Variants in RPS12 observed in about 807,000 individuals in gnomAD.
The protein encoded by RPS12 is small ribosomal subunit protein eS12.
RPS12 carries 1 observed loss-of-function variant against 17.2 expected under a neutral mutation model. That is an observed-to-expected ratio of 0.06 (90% CI 0.02 to 0.28). The LOEUF (loss-of-function observed/expected upper bound fraction) is 0.28. Among genes scored for constraint, RPS12 ranks in the 10% least tolerant of loss-of-function variants. The probability of loss-of-function intolerance (pLI) is 1.00; values close to 1 mark genes in which losing one functional copy is unlikely to be tolerated. For missense variants in RPS12, 146 were observed against 162.1 expected (o/e 0.90, Z 0.54); for synonymous variants, 67 against 54.0 (o/e 1.24, Z -1.06).
intron 1 of RPS12, 25 bp downstream of exon 1, chr6:132,814,638 G>A (rs978765766): frequency 4.6e-6 from 5 of 1,079,512 alleles, no homozygotes; most frequent in African/African-American, 1.6e-5. Flanking sequence ...GCGGCAGGGG[G>A]GTGTATTGGT....
chr6:132,814,689 C>T (rs1423466280), intron 1 of RPS12, 43 bp from the exon 2 acceptor site: 25 of 1,498,602 alleles, frequency 1.7e-5, no homozygotes, highest in African/African-American at 2.8e-5. Context: ...GGATTCGTGA[C>T]GAGTATCTGG....
In RPS12 at chr6:132,815,033, C is replaced by T. The variant is rs751712750; in HGVS notation, c.76C>T (p.Leu26Phe). ...TALQEVLKTA[L>F]IHDGLARGIR... is the part of the protein sequence containing the mutation. Reference sequence around the variant, plus strand: ...TTTACAAGAGGTTCTGAAGACTGCCCTCATCCACGATGGCCTAGCACGTGG... The same window carrying T: ...TTTACAAGAGGTTCTGAAGACTGCCTTCATCCACGATGGCCTAGCACGTGG... Residue 26 changes from leucine (L) to phenylalanine (F), a missense_variant, in exon 3 of 6, where the codon CTC (leucine) becomes TTC (phenylalanine). Transcript: ENST00000230050. The T allele has an allele frequency of 6.2e-6, 10 of 1,613,818 alleles. No individual in the cohort carries two copies. The South Asian group carries it at 7.7e-5, about 12-fold the overall frequency.
At position 132,814,571 on chromosome 6, in the gene RPS12, C is replaced by A; in HGVS notation, c.-80C>A. On this transcript the variant is annotated 5_prime_UTR_variant, in exon 1 of 6. Coordinates refer to ENST00000230050, the MANE Select transcript of RPS12 (RefSeq NM_001016.4). ...ACCGGCATGCGTGCGGATGAGGCCT[C>A]TTTCCCTGCCGCCGCCGAGTCGCGC... 1 of 735,610 alleles carries A rather than the reference C, an allele frequency of 1.4e-6. No individual in the cohort carries two copies. The highest frequency in any genetic ancestry group is 2.4e-6 in the Non-Finnish European group (1 of 414,870). The allele number at this position is 735,610 out of a possible 1,614,324, so 45.6% of individuals were successfully genotyped here. A position where few individuals can be genotyped will look rare whatever the true frequency, so the allele number is the denominator to read the frequency against.
At position 132,814,973 on chromosome 6, in the gene RPS12, A is replaced by G. The variant is rs967436636; in HGVS notation, c.16A>G (p.Ile6Val). 5 of 1,603,174 alleles carry G rather than the reference A, an allele frequency of 3.1e-6. No individual in the cohort carries two copies. The highest frequency in any genetic ancestry group is 4.3e-6 in the Non-Finnish European group (5 of 1,170,222). ...TGGTTCTGATGTGTCGCGTTTAAGCATTGCTGCTGGAGGTGTAATGGACGT... is the reference window on the plus strand; with the variant it reads ...TGGTTCTGATGTGTCGCGTTTAAGCGTTGCTGCTGGAGGTGTAATGGACGT... MAEEG[I>V]AAGGVMDVNT... Residue 6 changes from isoleucine to valine, a missense_variant and splice_region_variant, in exon 3 of 6, where the codon ATT becomes GTT. This residue lies in a region of RPS12 where 117 missense variants were observed against 104.6 expected (regional missense o/e 1.12). Transcript: ENST00000230050.
chr6:132,815,381 T>C (rs766233445), intron 3 of RPS12: 3 of 591,512 alleles, frequency 5.1e-6, no homozygotes, highest in Non-Finnish European at 9.7e-6. Context: ...CTGACAAACC[T>C]GTAGGTTGTG....
At position 132,814,594 on chromosome 6, in the gene RPS12, C is replaced by T. The variant is rs548057303; in HGVS notation, c.-57C>T. The T allele has an allele frequency of 6.2e-6, 5 of 811,992 alleles. No homozygotes were observed. Among genetic ancestry groups the T allele is most frequent in the East Asian group, 2.4e-5 (1 of 41,192 alleles). The allele number at this position is 811,992 out of a possible 1,614,324, so 50.3% of individuals were successfully genotyped here. ...CTCTTTCCCTGCCGCCGCCGAGTCG[C>T]GCGGAGGCGGAGGCTTGGGGTAAGT... On this transcript the variant is annotated 5_prime_UTR_variant, in exon 1 of 6. Transcript: ENST00000230050.
intron 3 of RPS12, chr6:132,815,459 T>G (rs1782027244): frequency 1.9e-5 from 9 of 461,634 alleles, no homozygotes; most frequent in South Asian, 1.1e-4. Context: ...TCTGGTAGTT[T>G]GCAAAACAAG....
rs768743658 is a variant in RPS12 at position 132,814,773 on chromosome 6, C to T, written c.5C>T (p.Ala2Val). 9 of 1,613,304 alleles carry T rather than the reference C, an allele frequency of 5.6e-6. No individual in the cohort carries two copies. The East Asian group carries it at 6.7e-5, about 12-fold the overall frequency. The change falls in exon 2 of 6, where the codon GCC becomes GTC. Residue 2 changes from alanine to valine, a missense_variant. By Grantham distance (64) the Ala-to-Val change is moderately conservative. This residue lies in a region of RPS12 where 117 missense variants were observed against 104.6 expected (regional missense o/e 1.12). Coordinates refer to ENST00000230050, the MANE Select transcript of RPS12 (RefSeq NM_001016.4). ...CTTCACCCGTAACCCACCGCCATGG[C>T]CGAGGAAGGGTGAGCCCAGGGGCCG... M[A>V]EEGIAAGGVM... is the part of the protein sequence containing the mutation.
Position 132,815,003 on chromosome 6 carries a change from A to G in RPS12, c.46A>G (p.Thr16Ala), listed in dbSNP as rs1179328529. The G allele has an allele frequency of 1.2e-6, 2 of 1,613,030 alleles. No homozygotes were observed. Among genetic ancestry groups the G allele is most frequent in the East Asian group, 2.2e-5 (1 of 44,868 alleles). Residue 16 changes from threonine (T) to alanine (A), a missense_variant, in exon 3 of 6, where the codon ACT (threonine) becomes GCT (alanine). Physicochemically the swap from Thr to Ala is moderately conservative, Grantham distance 58. Transcript: ENST00000230050. ...TGCTGGAGGTGTAATGGACGTTAAT[A>G]CTGCTTTACAAGAGGTTCTGAAGAC... ...IAAGGVMDVN[T>A]ALQEVLKTAL...
At chr6:132,815,828 CTTT>C in intron 3 of RPS12, 1 of 402,466 alleles carries the variant, frequency 2.5e-6, no homozygotes, top group Non-Finnish European at 4.8e-6. Flanking sequence ...ATGCCACAGT[CTTT>C]TTTTTTTCTT....
At chr6:132,814,693 T>C (rs1782001729) in intron 1 of RPS12, 39 bp from the exon 2 acceptor site, 3 of 1,524,512 alleles carry the variant, frequency 2.0e-6, no homozygotes, top group Admixed American at 3.3e-5. Context: ...TCGTGACGAG[T>C]ATCTGGTTCT....
rs964761165 is a variant in RPS12 at position 132,814,624 on chromosome 6, C to T, written c.-38+11C>T. 2.5e-4 allele frequency: 252 copies of T among 1,015,256 alleles called. 1 individual carries two copies. The highest frequency in any genetic ancestry group is 3.2e-4 in the South Asian group (25 of 77,174). 62.9% of individuals were successfully genotyped at this position (1,015,256 alleles called of 1,614,324 possible). Reference sequence around the variant, plus strand: ...AGGCGGAGGCTTGGGGTAAGTTGAGCGAGGCGGCAGGGGGGTGTATTGGTT... The same window carrying T: ...AGGCGGAGGCTTGGGGTAAGTTGAGTGAGGCGGCAGGGGGGTGTATTGGTT... On this transcript the variant is annotated intron_variant, in intron 1 of 5. Coordinates refer to ENST00000230050, the MANE Select transcript of RPS12 (RefSeq NM_001016.4).
At chr6:132,816,413 A>G (rs757223644) in intron 3 of RPS12, 48 bp from the exon 4 acceptor site, 2 of 1,413,248 alleles carry the variant, frequency 1.4e-6, no homozygotes, top group Non-Finnish European at 2.0e-6. Flanking sequence ...AGAATGATGG[A>G]TTTGGATCTG....
chr6:132,816,623 A>G (rs1782067650), intron 4 of RPS12, 60 bp downstream of exon 4: 2 of 1,122,242 alleles, frequency 1.8e-6, no homozygotes, highest in Admixed American at 3.4e-5. Context: ...TATGGGGGTA[A>G]ATTCTGTGAA....
intron 5 of RPS12, 86 bp from the exon 6 acceptor site, chr6:132,817,394 G>A (rs1186239527): frequency 8.8e-6 from 8 of 904,748 alleles, no homozygotes; most frequent in Non-Finnish European, 1.1e-5. Flanking sequence ...GCTAATTGTT[G>A]AAGCTCCACT....
chr6:132,816,040 C>G (rs1562280762), intron 3 of RPS12: 1 of 406,524 alleles, frequency 2.5e-6, no homozygotes, highest in East Asian at 7.1e-5. Flanking sequence ...CCATGTTGGT[C>G]TCTGGCTGGT....
chr6:132,816,928 A>AT (rs34924584), intron 4 of RPS12, 32 bp from the exon 5 acceptor site: 21,987 of 1,213,800 alleles, frequency 0.018, 21 homozygotes, highest in Middle Eastern at 0.045. Context: ...TATTAATGTG[A>AT]TTTTTTTTTT....
At chr6:132,815,738 T>C in intron 3 of RPS12, 1 of 456,736 alleles carries the variant, frequency 2.2e-6, no homozygotes, top group Non-Finnish European at 4.4e-6. Context: ...TATTGTTTAA[T>C]GTATTTAGTA....
intron 3 of RPS12, chr6:132,815,667 GT>G: frequency 2.2e-6 from 1 of 456,614 alleles, no homozygotes; most frequent in South Asian, 1.5e-5. Context: ...CAGTTTTAAG[GT>G]TTTACAGGAC....
Sources: allele counts gnomAD v4.1 joint callset, GRCh38; gene constraint gnomAD v4.1.1; regional missense constraint gnomAD v4.1.1; transcripts MANE v1.5; gene names NCBI Gene and HGNC (gene_info 2026-07-23, HGNC 2026-07-21).